NUP210L: variants seen among roughly 807,000 people sequenced by gnomAD.
The protein encoded by NUP210L is nucleoporin 210 like, also known as nuclear pore membrane glycoprotein 210-like.
A neutral mutation model predicts 208.5 loss-of-function variants in NUP210L; 74 were observed. The observed-to-expected ratio is 0.35, with a 90% confidence interval of 0.29 to 0.43. NUP210L has a LOEUF of 0.43. Ranked by LOEUF, NUP210L falls within the 20% of genes least tolerant of loss-of-function variation. NUP210L has a pLI of 1.00. For missense variants in NUP210L, 1,843 were observed against 2,289.4 expected (o/e 0.81, Z 3.98); for synonymous variants, 780 against 816.9 (o/e 0.95, Z 0.77).
intron 27 of NUP210L, among the ~76,000 whole-genome samples, chr1:154,031,895 A>G (rs1043661864): frequency 5.9e-5 from 9 of 151,426 alleles, no homozygotes; most frequent in African/African-American, 2.2e-4. Context: ...CTAAATTAAA[A>G]AAAATTTTTT....
At chr1:154,148,067 G>A (rs931613868) in intron 2 of NUP210L, among the ~76,000 whole-genome samples, 2 of 149,518 alleles carry the variant, frequency 1.3e-5, no homozygotes, top group African/African-American at 4.9e-5. Context: ...AGACCAGCCC[G>A]GCCAACATGG....
chr1:154,098,084 G>A (rs1656262701), intron 14 of NUP210L, among the ~76,000 whole-genome samples: 1 of 152,220 alleles, frequency 6.6e-6, no homozygotes, highest in Non-Finnish European at 1.5e-5. Flanking sequence ...CTGCAGTCAG[G>A]CACACCAGTT....
Position 154,088,901 on chromosome 1 carries a change from T to A in NUP210L, c.2361+520A>T, listed in dbSNP as rs151137238. 1.9e-3 allele frequency among the ~76,000 whole-genome samples: 295 copies of A among 152,332 alleles called. 2 individuals carry two copies. Among genetic ancestry groups the A allele is most frequent in the African/African-American group, 6.7e-3 (279 of 41,584 alleles). On this transcript the variant is annotated intron_variant, in intron 16 of 39. Coordinates refer to ENST00000368559, the Ensembl canonical transcript of NUP210L. The stretch of plus-strand genomic sequence containing the variant: ...GGATAGATAACTCATTTATTTTTCA[T>A]ACCCTGTTGCCTACTTAGTAGCTAC...
chr1:154,054,253 G>A, exon 25 of NUP210L: 6 of 1,614,174 alleles, frequency 3.7e-6, no homozygotes, highest in African/African-American at 1.3e-5. Flanking sequence ...GACTTTGCCA[G>A]TATCTTCATT....
intron 12 of NUP210L, among the ~76,000 whole-genome samples, chr1:154,108,767 CAA>C (rs1656899570): frequency 6.6e-6 from 1 of 151,500 alleles, no homozygotes; most frequent in Admixed American, 6.6e-5. Flanking sequence ...TTTAAATGGA[CAA>C]ACTCTCCAAT....
At position 154,013,618 on chromosome 1, in the gene NUP210L, C is replaced by A. The variant is rs1212478097; in HGVS notation, c.4654-1248G>T. Among the ~76,000 whole-genome samples the A allele has an allele frequency of 2.0e-5, 3 of 151,472 alleles. No individual in the cohort carries two copies. The East Asian group carries it at 5.8e-4, about 29-fold the overall frequency. Reference sequence around the variant, plus strand: ...AACAAACAAAAACAAAAAAAACACACAAAAAAAACAACTGCAACTTTCTTC... The same window carrying A: ...AACAAACAAAAACAAAAAAAACACAAAAAAAAAACAACTGCAACTTTCTTC... On this transcript the variant is annotated intron_variant, in intron 33 of 39. Coordinates refer to ENST00000368559, the Ensembl canonical transcript of NUP210L.
chr1:154,046,006 T>C, intron 27 of NUP210L, 63 bp downstream of exon 27: 1 of 1,439,936 alleles, frequency 6.9e-7, no homozygotes, highest in Non-Finnish European at 9.4e-7. Context: ...AAACTTATGA[T>C]AAATTAAAAT....
At chr1:154,129,302 T>G (rs773811570) in exon 8 of NUP210L, 1 of 1,610,228 alleles carries the variant, frequency 6.2e-7, no homozygotes, top group East Asian at 2.2e-5. Flanking sequence ...CTACAACATA[T>G]ATGGTGCAAT....
Position 154,096,122 on chromosome 1 carries a change from G to A in NUP210L, c.1966-966C>T, listed in dbSNP as rs1017360848. Among the ~76,000 whole-genome samples, 6 of 152,228 alleles carry A rather than the reference G, an allele frequency of 3.9e-5. No individual in the cohort carries two copies. In the South Asian group the frequency reaches 6.2e-4, roughly 16 times the overall value. On this transcript the variant is annotated intron_variant, in intron 14 of 39. Transcript: ENST00000368559. ...GCCCCACCCCTTTACAGGCCACAGT[G>A]TGTGATGTTCCCCTCCCTGTGTCCA...
At chr1:154,125,756 T>G (rs1206775192) in intron 10 of NUP210L, among the ~76,000 whole-genome samples, 3 of 5,758 alleles carry the variant, frequency 5.2e-4, no homozygotes, top group East Asian at 5.3e-3. Flanking sequence ...GGAAATGTTT[T>G]TTTTTTTTTT....
intron 28 of NUP210L, among the ~76,000 whole-genome samples, 153 bp from the exon 29 acceptor site, chr1:154,027,750 G>A (rs777953546): frequency 4.6e-5 from 7 of 152,006 alleles, no homozygotes; most frequent in Middle Eastern, 3.4e-3. Flanking sequence ...GTCTAAAATC[G>A]TCCACAATAC....
At chr1:154,072,376 A>G (rs562634796) in intron 16 of NUP210L, among the ~76,000 whole-genome samples, 2 of 116,260 alleles carry the variant, frequency 1.7e-5, no homozygotes, top group Admixed American at 1.4e-4. Context: ...TCTGTTGCCC[A>G]GGCTAGAGTG....
At chr1:154,149,460 G>T (rs889965332) in intron 2 of NUP210L, among the ~76,000 whole-genome samples, 4 of 152,140 alleles carry the variant, frequency 2.6e-5, no homozygotes, top group African/African-American at 9.7e-5. Context: ...AAGCCTATAA[G>T]CTCAACACTT....
intron 25 of NUP210L, among the ~76,000 whole-genome samples, chr1:154,046,807 G>A (rs529445294): frequency 1.1e-3 from 173 of 152,342 alleles, no homozygotes; most frequent in Non-Finnish European, 1.5e-3. Flanking sequence ...GCTCACGCCT[G>A]TAATCCCAGC....
chr1:154,034,838 T>G (rs1289211208), intron 27 of NUP210L, among the ~76,000 whole-genome samples: 1 of 146,032 alleles, frequency 6.8e-6, no homozygotes, highest in African/African-American at 2.5e-5. Context: ...TCTCTCTCTC[T>G]CTCTCTTTTT....
chr1:154,069,657 T>C (rs1654602534), intron 17 of NUP210L, among the ~76,000 whole-genome samples: 2 of 152,272 alleles, frequency 1.3e-5, no homozygotes, highest in East Asian at 1.9e-4. Context: ...TCCTCAAGGA[T>C]CTAGAACTGG....
chr1:154,097,212 A>T (rs903187196), intron 14 of NUP210L, among the ~76,000 whole-genome samples: 8 of 152,188 alleles, frequency 5.3e-5, no homozygotes, highest in African/African-American at 1.9e-4. Context: ...AGATGAACCG[A>T]ATTGAGCTGA....
intron 3 of NUP210L, among the ~76,000 whole-genome samples, chr1:154,142,941 C>T (rs1252565374): frequency 6.6e-6 from 1 of 151,430 alleles, no homozygotes; most frequent in African/African-American, 2.4e-5. Flanking sequence ...GTAATCCCAG[C>T]ACTTTGGGAG....
intron 10 of NUP210L, among the ~76,000 whole-genome samples, chr1:154,119,532 A>T (rs1571296278): frequency 6.6e-6 from 1 of 152,050 alleles, no homozygotes; most frequent in African/African-American, 2.4e-5. Flanking sequence ...AGGTTGCAGT[A>T]AGCTGAGATC....
Sources: allele counts gnomAD v4.1 joint callset (sites outside exome capture counted in the v4.1 genomes callset), GRCh38; gene constraint gnomAD v4.1.1; transcripts MANE v1.5; gene names NCBI Gene and HGNC (gene_info 2026-07-23, HGNC 2026-07-21).